C12orf50: variants seen among roughly 807,000 people sequenced by gnomAD.
C12orf50 encodes zinc finger CCCH-type containing 11D.
C12orf50 carries 35 observed loss-of-function variants against 61.6 expected under a neutral mutation model. The ratio of observed to expected loss-of-function variants is 0.57; its 90% CI spans 0.43 to 0.75. The LOEUF is 0.75. Among genes scored for constraint, C12orf50 ranks in the 30% least tolerant of loss-of-function variants. C12orf50 has a pLI of 0.00. For missense variants in C12orf50, 475 were observed against 488.5 expected (o/e 0.97, Z 0.26); for synonymous variants, 178 against 161.5 (o/e 1.10, Z -0.77).
In C12orf50 at chr12:87,994,699, G is replaced by A. The variant is rs1190136454; in HGVS notation, c.526C>T (p.Gln176Ter). The A allele has an allele frequency of 1.2e-6, 2 of 1,613,166 alleles. No individual in the cohort carries two copies. Among genetic ancestry groups the A allele is most frequent in the Non-Finnish European group, 8.5e-7 (1 of 1,179,588 alleles). Residue 176 changes from glutamine (Q) to a stop codon, truncating the protein, a stop_gained, in exon 7 of 13, where the codon CAA (glutamine) becomes TAA (stop). Transcript: ENST00000298699. LOFTEE classifies it high-confidence loss of function. ...TGCAATGATGTTTTTATTTCACCTT[G>A]CCTTTCATATTGGCTAAGTTTTGTC... ...VPTKLSQYERQGEIKTSLHGK... is the reference protein window; with the variant it reads ...VPTKLSQYER
chr12:88,005,726 G>A (rs2031835334), intron 3 of C12orf50, among the ~76,000 whole-genome samples: 1 of 151,624 alleles, frequency 6.6e-6, no homozygotes, highest in Admixed American at 6.6e-5. Flanking sequence ...TGCAAGCTCC[G>A]CCTCCCCGGT....
intron 12 of C12orf50, among the ~76,000 whole-genome samples, chr12:87,982,418 G>C (rs1330533336): frequency 1.3e-5 from 2 of 152,162 alleles, no homozygotes; most frequent in African/African-American, 2.4e-5. Flanking sequence ...GTCAGTAGGA[G>C]TTCCCTAACT....
chr12:88,004,940 A>C (rs141503479), intron 3 of C12orf50, among the ~76,000 whole-genome samples: 6 of 152,276 alleles, frequency 3.9e-5, no homozygotes, highest in South Asian at 2.1e-4. Flanking sequence ...TACTATGCTT[A>C]TAACCTGGGT....
At position 87,983,185 on chromosome 12, in the gene C12orf50, C is replaced by A; in HGVS notation, c.1137G>T (p.Thr379=). Residue 379 remains threonine, a synonymous_variant, in exon 12 of 13, where the codon ACG becomes ACT. Coordinates refer to ENST00000298699, the MANE Select transcript of C12orf50 (RefSeq NM_152589.3). ...PKPNLSPDKY[T]STSYNDSAWR... ...AGGCTGAATCATTATATGATGTTGA[C>A]GTATATTTGTCTGAGGGAAAAAAAT... 1.3e-6 allele frequency: 2 copies of A among 1,590,616 alleles called. No homozygotes were observed. Among genetic ancestry groups the A allele is most frequent in the Non-Finnish European group, 8.6e-7 (1 of 1,166,998 alleles).
intron 3 of C12orf50, among the ~76,000 whole-genome samples, chr12:88,006,374 C>T (rs188117145): frequency 7.2e-4 from 110 of 152,270 alleles, no homozygotes; most frequent in African/African-American, 2.2e-3. Flanking sequence ...TCTTAAACTT[C>T]CCCACACTAT....
intron 11 of C12orf50, chr12:87,984,050 TG>T (rs1395356360): frequency 6.7e-6 from 1 of 150,296 alleles, no homozygotes; most frequent in East Asian, 2.0e-4. Flanking sequence ...CTCCAGCACC[TG>T]TTGTTTCCTG....
At chr12:88,017,157 A>T (rs1592680596) in intron 3 of C12orf50, among the ~76,000 whole-genome samples, 1 of 152,070 alleles carries the variant, frequency 6.6e-6, no homozygotes, top group African/African-American at 2.4e-5. Context: ...CCCAAATCTC[A>T]TCTTGAATTG....
intron 11 of C12orf50, chr12:87,984,513 G>GA (rs1310760077): frequency 6.6e-6 from 1 of 152,126 alleles, no homozygotes; most frequent in African/African-American, 2.4e-5. Flanking sequence ...GTCCTTCCAT[G>GA]AAGTGACTTC....
At chr12:87,990,749 C>A (rs2031080530) in intron 7 of C12orf50, among the ~76,000 whole-genome samples, 1 of 151,948 alleles carries the variant, frequency 6.6e-6, no homozygotes, top group African/African-American at 2.4e-5. Flanking sequence ...AAAGAAAGAG[C>A]CGAAAGTCTG....
chr12:88,006,186 G>A (rs867947590), intron 3 of C12orf50, among the ~76,000 whole-genome samples: 1 of 152,096 alleles, frequency 6.6e-6, no homozygotes, highest in African/African-American at 2.4e-5. Flanking sequence ...AAAGTGCTGG[G>A]ATTACAGGCG....
chr12:88,012,021 A>G (rs559605222), intron 3 of C12orf50, among the ~76,000 whole-genome samples: 46 of 152,326 alleles, frequency 3.0e-4, no homozygotes, highest in Non-Finnish European at 5.6e-4. Flanking sequence ...TATTTGCTTC[A>G]CAGCAAATGA....
chr12:88,004,463 G>T (rs1209024875), intron 3 of C12orf50, among the ~76,000 whole-genome samples: 5 of 152,188 alleles, frequency 3.3e-5, no homozygotes, highest in African/African-American at 1.2e-4. Context: ...TGTAAAATTA[G>T]TTCAGCCATT....
intron 12 of C12orf50, among the ~76,000 whole-genome samples, chr12:87,981,708 C>A (rs1305028021): frequency 2.6e-5 from 4 of 152,062 alleles, no homozygotes; most frequent in African/African-American, 9.7e-5. Flanking sequence ...TTTGGACCCA[C>A]TGTTCCTCTC....
intron 3 of C12orf50, among the ~76,000 whole-genome samples, chr12:88,004,169 G>A (rs539167553): frequency 1.4e-4 from 22 of 152,060 alleles, no homozygotes; most frequent in African/African-American, 2.7e-4. Context: ...TCATAATACC[G>A]TTCTTTACTT....
chr12:87,981,819 T>C (rs1455396783), intron 12 of C12orf50, among the ~76,000 whole-genome samples: 2 of 152,006 alleles, frequency 1.3e-5, no homozygotes, highest in Non-Finnish European at 1.5e-5. Flanking sequence ...TCCAGTCCTC[T>C]CATATTAGAC....
intron 3 of C12orf50, among the ~76,000 whole-genome samples, chr12:88,003,737 C>G (rs1207013317): frequency 6.6e-6 from 1 of 151,936 alleles, no homozygotes; most frequent in African/African-American, 2.4e-5. Context: ...CCAGAATTTG[C>G]CTTTATCACT....
chr12:88,009,651 A>T (rs2032022734), intron 3 of C12orf50, among the ~76,000 whole-genome samples: 1 of 152,116 alleles, frequency 6.6e-6, no homozygotes, highest in Non-Finnish European at 1.5e-5. Flanking sequence ...CCAACAACAA[A>T]GAACTATCCA....
rs541464205 is a variant in C12orf50, at chr12:88,022,050, A to T, written c.133+4438T>A. On this transcript the variant is annotated intron_variant, in intron 3 of 12. Coordinates refer to ENST00000298699, the MANE Select transcript of C12orf50 (RefSeq NM_152589.3). ...CAGAAAGAAAACCAAAAAAAAAAAAATTTCAGGCCAATATTCTCAGTGAAC... is the reference window on the plus strand; with the variant it reads ...CAGAAAGAAAACCAAAAAAAAAAAATTTTCAGGCCAATATTCTCAGTGAAC... Among the ~76,000 whole-genome samples the T allele has an allele frequency of 3.0e-4, 46 of 151,982 alleles. 1 individual carries two copies. In the East Asian group the frequency reaches 8.5e-3, roughly 28 times the overall value.
intron 3 of C12orf50, among the ~76,000 whole-genome samples, chr12:88,023,106 A>G (rs1182457551): frequency 6.6e-6 from 1 of 152,224 alleles, no homozygotes; most frequent in Non-Finnish European, 1.5e-5. Context: ...ACTTCAAACT[A>G]TACTACAGGT....
Sources: gnomAD v4.1 joint callset for allele counts (sites outside exome capture counted in the v4.1 genomes callset) on GRCh38, gnomAD v4.1.1 for gene constraint, MANE v1.5 for transcripts, NCBI Gene and HGNC (gene_info 2026-07-23, HGNC 2026-07-21) for gene names.